The following GLIS1 variants were observed in gnomAD, a reference collection of about 807,000 sequenced individuals.
The protein encoded by GLIS1 is GLIS family zinc finger 1, also known as zinc finger protein GLIS1.
GLIS1 carries 24 observed loss-of-function variants against 63.8 expected under a neutral mutation model. The observed-to-expected ratio is 0.38, with a 90% confidence interval of 0.27 to 0.53. The LOEUF (loss-of-function observed/expected upper bound fraction) is 0.53, where lower values mean the gene tolerates loss of function less well. GLIS1 is among the 20% of genes least tolerant of loss of function. The pLI is 0.85. For missense variants in GLIS1, 1,036 were observed against 1,074.1 expected (o/e 0.96, Z 0.50); for synonymous variants, 450 against 482.5 (o/e 0.93, Z 0.88).
At chr1:53,715,327 T>C (rs1433708871) in intron 2 of GLIS1, among the ~76,000 whole-genome samples, 2 of 152,052 alleles carry the variant, frequency 1.3e-5, no homozygotes, top group African/African-American at 4.8e-5. Flanking sequence ...GCAGGTGAGC[T>C]GGAAAAGCAC....
intron 4 of GLIS1, among the ~76,000 whole-genome samples, chr1:53,571,504 T>G (rs921939798): frequency 6.6e-6 from 1 of 152,208 alleles, no homozygotes; most frequent in African/African-American, 2.4e-5. Context: ...GATTAAAGTT[T>G]GAGTTATTCA....
In GLIS1 at chr1:53,594,396, G is replaced by C. The variant is rs1477533488; in HGVS notation, c.1032C>G (p.Pro344=). 2 of 1,611,704 alleles carry C rather than the reference G, an allele frequency of 1.2e-6. No individual in the cohort carries two copies. Among genetic ancestry groups the C allele is most frequent in the Non-Finnish European group, 1.7e-6 (2 of 1,179,226 alleles). Residue 344 remains proline (P), a synonymous_variant, in exon 4 of 11, where the codon CCC becomes CCG. Coordinates refer to ENST00000628545, the MANE Select transcript of GLIS1 (RefSeq NM_001367484.1). ...TTGGGCCAGGCGGCAACTGAGACAG[G>C]GGATAGGGGGGCGGCAGGCCCTGCT... ...PHQQGLPPPY[P]LSQLPPGPSL...
At chr1:53,672,121 C>T (rs1646158878) in intron 2 of GLIS1, among the ~76,000 whole-genome samples, 1 of 152,190 alleles carries the variant, frequency 6.6e-6, no homozygotes, top group Non-Finnish European at 1.5e-5. Flanking sequence ...CAGCCCTGAA[C>T]CCATCCCACC....
In GLIS1 at chr1:53,709,377, CAT is replaced by C. The variant is rs1205744427; in HGVS notation, c.259+28427_259+28428del. Among the ~76,000 whole-genome samples the C allele has an allele frequency of 8.5e-5, 5 of 59,012 alleles. No homozygotes were observed. The East Asian group carries it at 1.7e-3, about 20-fold the overall frequency. The allele number at this position is 59,012 out of a possible 152,430, so 38.7% of individuals were successfully genotyped here. On this transcript the variant is annotated intron_variant, in intron 2 of 10. Coordinates refer to ENST00000628545, the MANE Select transcript of GLIS1 (RefSeq NM_001367484.1). ...ATATATACATATACATATATATATA[CAT>C]ATATACATATATATACATATACATA...
chr1:53,619,178 C>T (rs955467156), intron 2 of GLIS1, among the ~76,000 whole-genome samples: 1 of 152,216 alleles, frequency 6.6e-6, no homozygotes, highest in African/African-American at 2.4e-5. Flanking sequence ...TGCCGCCTCC[C>T]AAGACCCTTT....
At chr1:53,522,794 G>T (rs1180180609) in intron 6 of GLIS1, among the ~76,000 whole-genome samples, 4 of 151,832 alleles carry the variant, frequency 2.6e-5, no homozygotes, top group African/African-American at 9.7e-5. Flanking sequence ...CATGCCTGTA[G>T]TCCCAGCTAC....
intron 4 of GLIS1, among the ~76,000 whole-genome samples, chr1:53,559,882 CTACA>C (rs1181905870): frequency 5.3e-5 from 8 of 152,198 alleles, no homozygotes; most frequent in Admixed American, 1.3e-4. Flanking sequence ...ACACAGTCAT[CTACA>C]TAGTCTCTCA....
intron 4 of GLIS1, among the ~76,000 whole-genome samples, chr1:53,579,369 G>A (rs905458276): frequency 1.3e-5 from 2 of 152,206 alleles, no homozygotes; most frequent in African/African-American, 2.4e-5. Context: ...CGTGCCAGGG[G>A]ACATGAGGCC....
intron 2 of GLIS1, among the ~76,000 whole-genome samples, chr1:53,686,280 C>G (rs1293210626): frequency 1.3e-5 from 2 of 152,186 alleles, no homozygotes; most frequent in Non-Finnish European, 2.9e-5. Flanking sequence ...CACGCACTGC[C>G]AAGTCAGACC....
chr1:53,690,424 A>C (rs1330294980), intron 2 of GLIS1, among the ~76,000 whole-genome samples: 6 of 152,252 alleles, frequency 3.9e-5, no homozygotes, highest in African/African-American at 1.2e-4. Flanking sequence ...GGGCTGCTTC[A>C]GGAACCAAAT....
At position 53,622,445 on chromosome 1, in the gene GLIS1, A is replaced by G. The variant is rs879822346; in HGVS notation, c.260-22167T>C. Among the ~76,000 whole-genome samples the G allele has an allele frequency of 1.2e-3, 148 of 122,826 alleles. 1 individual carries two copies. The highest frequency in any genetic ancestry group is 3.8e-3 in the African/African-American group (134 of 35,156). 80.6% of individuals were successfully genotyped at this position (122,826 alleles called of 152,430 possible). A position where few individuals can be genotyped will look rare whatever the true frequency, so the allele number is the denominator to read the frequency against. ...TATGTCTCAAAAAAAAAAAAAAAAA[A>G]AAAAAGAAGAAGAAGAAGAAGAAGA... On this transcript the variant is annotated intron_variant, in intron 2 of 10. Coordinates refer to ENST00000628545, the MANE Select transcript of GLIS1 (RefSeq NM_001367484.1).
intron 2 of GLIS1, among the ~76,000 whole-genome samples, chr1:53,641,184 G>T (rs1453488271): frequency 1.3e-5 from 2 of 152,142 alleles, no homozygotes; most frequent in Non-Finnish European, 2.9e-5. Flanking sequence ...CCCAGTCCAG[G>T]GTTTGCATAC....
chr1:53,519,788 G>C (rs1222903695), intron 7 of GLIS1, among the ~76,000 whole-genome samples: 1 of 152,230 alleles, frequency 6.6e-6, no homozygotes, highest in Non-Finnish European at 1.5e-5. Flanking sequence ...GCGATGAGCT[G>C]GAAGTGATCT....
intron 2 of GLIS1, among the ~76,000 whole-genome samples, chr1:53,681,233 T>C (rs1445799398): frequency 6.6e-6 from 1 of 152,272 alleles, no homozygotes; most frequent in Non-Finnish European, 1.5e-5. Flanking sequence ...TGTCAGTACC[T>C]AGGCTGGGTT....
At chr1:53,530,103 G>T in intron 4 of GLIS1, 151 bp from the exon 5 acceptor site, 1 of 694,472 alleles carries the variant, frequency 1.4e-6, no homozygotes, top group Non-Finnish European at 2.4e-6. Context: ...TCCCCATGAA[G>T]TGCTCAGGGC....
intron 2 of GLIS1, among the ~76,000 whole-genome samples, chr1:53,650,909 C>T (rs1048882211): frequency 3.3e-5 from 5 of 152,186 alleles, no homozygotes; most frequent in Non-Finnish European, 5.9e-5. Context: ...ACCATCCTCT[C>T]TCAGGCATCG....
chr1:53,632,218 G>T (rs978046123), intron 2 of GLIS1, among the ~76,000 whole-genome samples: 1 of 148,680 alleles, frequency 6.7e-6, no homozygotes, highest in South Asian at 2.2e-4. Context: ...ACTGAAGGGC[G>T]TGTGACTGAG....
rs1644299420 is a variant in GLIS1, at chr1:53,511,649, T to C, written c.1884-1622A>G. Among the ~76,000 whole-genome samples the C allele has an allele frequency of 6.6e-6, 1 of 152,168 alleles. No homozygotes were observed. The highest frequency in any genetic ancestry group is 1.5e-5 in the Non-Finnish European group (1 of 68,024). Reference sequence around the variant, plus strand: ...CTCCAGGAATAAATTATCATTATCATCATCATTATTTTTAGGCCTGTCTTG... The same window carrying C: ...CTCCAGGAATAAATTATCATTATCACCATCATTATTTTTAGGCCTGTCTTG... On this transcript the variant is annotated intron_variant, in intron 8 of 10. Coordinates refer to ENST00000628545, the MANE Select transcript of GLIS1 (RefSeq NM_001367484.1). This position sits in a 1 kb window ranked among gnomAD's most constrained non-coding sequence, Gnocchi z 4.2.
At chr1:53,689,952 C>T (rs1028498028) in intron 2 of GLIS1, among the ~76,000 whole-genome samples, 3 of 152,212 alleles carry the variant, frequency 2.0e-5, no homozygotes, top group African/African-American at 7.2e-5. Flanking sequence ...GAGCGGAATG[C>T]CTTTCCCCTT....
Sources: allele counts gnomAD v4.1 joint callset (sites outside exome capture counted in the v4.1 genomes callset), GRCh38; gene constraint gnomAD v4.1.1; non-coding constraint Gnocchi (gnomAD v3.1); transcripts MANE v1.5; gene names NCBI Gene and HGNC (gene_info 2026-07-23, HGNC 2026-07-21).